The following TDRD9 variants were observed in gnomAD, a reference collection of about 807,000 sequenced individuals.
TDRD9 encodes the protein ATP-dependent RNA helicase TDRD9.
In TDRD9, 124 loss-of-function variants were observed where a neutral mutation model predicts 172.6. The ratio of observed to expected loss-of-function variants is 0.72; its 90% CI spans 0.62 to 0.83. The LOEUF is 0.83. Among genes scored for constraint, TDRD9 ranks in the 40% least tolerant of loss-of-function variants. The pLI, the probability that TDRD9 is intolerant of heterozygous loss-of-function variation, is 0.00. For synonymous variants in TDRD9, 619 were observed against 617.1 expected, an observed-to-expected ratio of 1.00 and a Z score of -0.05; for missense variants, 1,479 against 1,714.1, an observed-to-expected ratio of 0.86 and a Z score of 2.42.
At chr14:104,031,535 C>T (rs1156791818) in intron 29 of TDRD9, among the ~76,000 whole-genome samples, 2 of 138,376 alleles carry the variant, frequency 1.4e-5, no homozygotes, top group Non-Finnish European at 3.0e-5. Flanking sequence ...CTAAAGGAAG[C>T]ACAGCGTGTG....
chr14:104,047,467 T>C (rs1335438023), intron 34 of TDRD9, among the ~76,000 whole-genome samples: 1 of 152,214 alleles, frequency 6.6e-6, no homozygotes, highest in African/African-American at 2.4e-5. Flanking sequence ...TTGTCTGATA[T>C]TAATATAGCT....
chr14:103,985,052 A>T (rs1029852398), intron 7 of TDRD9, among the ~76,000 whole-genome samples: 1 of 152,146 alleles, frequency 6.6e-6, no homozygotes, highest in African/African-American at 2.4e-5. Context: ...GAAAGGCTAT[A>T]TTTACCCAAT....
chr14:103,972,935 A>T (rs2033094641), intron 6 of TDRD9, among the ~76,000 whole-genome samples: 1 of 152,218 alleles, frequency 6.6e-6, no homozygotes, highest in African/African-American at 2.4e-5. Context: ...ATTGAAGATT[A>T]TTCACATTGA....
At chr14:104,018,251 T>G (rs2034852046) in intron 23 of TDRD9, 59 bp downstream of exon 23, 3 of 1,094,320 alleles carry the variant, frequency 2.7e-6, no homozygotes, top group Non-Finnish European at 4.0e-6. Context: ...TTCAAATGTT[T>G]CCAGACGCTG....
intron 13 of TDRD9, 24 bp from the exon 14 acceptor site, chr14:104,004,213 CT>C: frequency 1.6e-6 from 2 of 1,259,516 alleles, no homozygotes. Flanking sequence ...ATGCCAAACA[CT>C]GTTTGCACAT....
chr14:104,022,521 G>T (rs1290899093), intron 24 of TDRD9, among the ~76,000 whole-genome samples, 191 bp downstream of exon 24: 1 of 152,138 alleles, frequency 6.6e-6, no homozygotes, highest in Non-Finnish European at 1.5e-5. Flanking sequence ...GAGCCCAGGA[G>T]TTTGAGACCA....
intron 34 of TDRD9, among the ~76,000 whole-genome samples, chr14:104,046,198 G>A (rs1033911749): frequency 6.6e-6 from 1 of 152,180 alleles, no homozygotes; most frequent in Non-Finnish European, 1.5e-5. Context: ...GTCGTGATCT[G>A]CCCGCCTCAG....
chr14:104,018,846 A>C (rs1333855677), intron 23 of TDRD9, among the ~76,000 whole-genome samples: 1 of 152,226 alleles, frequency 6.6e-6, no homozygotes, highest in Non-Finnish European at 1.5e-5. Flanking sequence ...AATAAGAACA[A>C]ACACTTTTTC....
intron 1 of TDRD9, among the ~76,000 whole-genome samples, chr14:103,935,489 G>A (rs1182804892): frequency 6.6e-6 from 1 of 152,170 alleles, no homozygotes; most frequent in African/African-American, 2.4e-5. Context: ...TTAGTTTGTG[G>A]GGGGATACCA....
intron 1 of TDRD9, among the ~76,000 whole-genome samples, chr14:103,938,628 G>A (rs934844384): frequency 6.6e-6 from 1 of 151,084 alleles, no homozygotes; most frequent in African/African-American, 2.4e-5. Context: ...TAGTAGAGAT[G>A]GGGTTTCTCT....
intron 8 of TDRD9, among the ~76,000 whole-genome samples, chr14:103,988,670 C>G (rs1169785493): frequency 6.7e-6 from 1 of 149,486 alleles, no homozygotes; most frequent in Non-Finnish European, 1.5e-5. Context: ...GCATTTAACA[C>G]ATATTTTGCA....
intron 7 of TDRD9, among the ~76,000 whole-genome samples, chr14:103,977,524 T>A (rs865929260): frequency 0.012 from 1,482 of 119,644 alleles, 51 homozygotes; most frequent in African/African-American, 0.044. Context: ...AAAAAAAAAA[T>A]TGGATTGTTT....
chr14:103,986,300 CTT>C lies in TDRD9; in HGVS notation c.1096_1097del (p.Leu366GlyfsTer31). ...TCTCTCTCATTCAGATGTTTGATGA[CTT>C]GGATATGAAGGAGAGTGGGTAAGAG... ...AVSLIQMFDD[L>X]DMKESGNKAW... On this transcript the variant is annotated frameshift_variant, in exon 8 of 36. Coordinates refer to ENST00000409874, the MANE Select transcript of TDRD9 (RefSeq NM_153046.3). LOFTEE classifies it high-confidence loss of function. 1.9e-6 allele frequency: 3 copies of C among 1,612,532 alleles called. No individual in the cohort carries two copies. Among genetic ancestry groups the C allele is most frequent in the Non-Finnish European group, 2.5e-6 (3 of 1,178,868 alleles).
At chr14:104,018,057 A>G in intron 22 of TDRD9, 35 bp from the exon 23 acceptor site, 1 of 1,256,212 alleles carries the variant, frequency 8.0e-7, no homozygotes, top group Non-Finnish European at 1.1e-6. Flanking sequence ...TGTTAGCTCT[A>G]GTAATCTGCT....
Position 103,980,437 on chromosome 14 carries a change from C to G in TDRD9, c.1011+4884C>G, listed in dbSNP as rs181516239. 6.6e-6 allele frequency among the ~76,000 whole-genome samples: 1 copy of G among 152,232 alleles called. No homozygotes were observed. Among genetic ancestry groups the G allele is most frequent in the African/African-American group, 2.4e-5 (1 of 41,532 alleles). ...GAGAGAGGAGAGAGAGAGGGAGAGA[C>G]AGCTTATGCTATTATTTCTGCTTAT... On this transcript the variant is annotated intron_variant, in intron 7 of 35. Coordinates refer to ENST00000409874, the MANE Select transcript of TDRD9 (RefSeq NM_153046.3). This position sits in a 1 kb window ranked among gnomAD's most constrained non-coding sequence, Gnocchi z 4.5.
intron 1 of TDRD9, among the ~76,000 whole-genome samples, chr14:103,947,130 T>G (rs2031602604): frequency 6.6e-6 from 1 of 152,124 alleles, no homozygotes; most frequent in South Asian, 2.1e-4. Flanking sequence ...TTTCCTGATT[T>G]TTAAATTACT....
rs756651639 is a variant in TDRD9, at chr14:104,006,536, G to T, written c.1861G>T (p.Asp621Tyr). The change falls in exon 16 of 36, where the codon GAT becomes TAT. Residue 621 changes from aspartate to tyrosine, a missense_variant. Coordinates refer to ENST00000409874, the MANE Select transcript of TDRD9 (RefSeq NM_153046.3). ...CCTTGGACATGTATTTGGATGTCTAGATGAATGTCTTATTATAGGTAAGTG... is the reference window on the plus strand; with the variant it reads ...CCTTGGACATGTATTTGGATGTCTATATGAATGTCTTATTATAGGTAAGTG... ...IVLGHVFGCL[D>Y]ECLIIAAALS... The T allele has an allele frequency of 2.5e-6, 4 of 1,613,798 alleles. No individual in the cohort carries two copies. In the South Asian group the frequency reaches 4.4e-5, roughly 18 times the overall value.
At chr14:103,937,096 C>CAATTGTTGA (rs1196865909) in intron 1 of TDRD9, among the ~76,000 whole-genome samples, 1 of 152,188 alleles carries the variant, frequency 6.6e-6, no homozygotes, top group African/African-American at 2.4e-5. Flanking sequence ...TCTTTAAAAA[C>CAATTGTTGA]AATTGTTGAA....
At chr14:104,046,403 A>G (rs1004745017) in intron 34 of TDRD9, among the ~76,000 whole-genome samples, 3 of 152,158 alleles carry the variant, frequency 2.0e-5, no homozygotes. Context: ...TGTATGTGGT[A>G]TGTGATACAA....
Sources: gnomAD v4.1 joint callset for allele counts (sites outside exome capture counted in the v4.1 genomes callset) on GRCh38, gnomAD v4.1.1 for gene constraint, Gnocchi (gnomAD v3.1) non-coding constraint, MANE v1.5 for transcripts, NCBI Gene and HGNC (gene_info 2026-07-23, HGNC 2026-07-21) for gene names.